Variants in RNGTT observed in about 807,000 individuals in gnomAD.
RNGTT encodes RNA guanylyltransferase and 5'-phosphatase.
A neutral mutation model predicts 79.3 loss-of-function variants in RNGTT; 33 were observed. The observed-to-expected ratio is 0.42, with a 90% CI of 0.32 to 0.56. The LOEUF (loss-of-function observed/expected upper bound fraction) is 0.56. Ranked by LOEUF, RNGTT falls within the 20% of genes least tolerant of loss-of-function variation. The pLI, the probability that RNGTT is intolerant of heterozygous loss-of-function variation, is 0.17. For missense variants in RNGTT, 497 were observed against 739.1 expected, an observed-to-expected ratio of 0.67 and a Z score of 3.80; for synonymous variants, 222 against 235.9, an observed-to-expected ratio of 0.94 and a Z score of 0.54.
At chr6:88,637,015 T>C (rs551504697) in intron 14 of RNGTT, among the ~76,000 whole-genome samples, 5 of 152,224 alleles carry the variant, frequency 3.3e-5, no homozygotes, top group Middle Eastern at 3.4e-3. Flanking sequence ...TATTCAATTT[T>C]TAAGCAATGT....
chr6:88,733,594 A>G (rs1003427988), intron 13 of RNGTT, among the ~76,000 whole-genome samples: 2 of 152,036 alleles, frequency 1.3e-5, no homozygotes, highest in Non-Finnish European at 2.9e-5. Context: ...AAGCTAAAAA[A>G]GAAAAAAAAC....
At chr6:88,926,266 A>G (rs1784315131) in intron 4 of RNGTT, among the ~76,000 whole-genome samples, 1 of 152,212 alleles carries the variant, frequency 6.6e-6, no homozygotes, top group Admixed American at 6.5e-5. Flanking sequence ...TAGTGCTATC[A>G]GTTCCATTGC....
chr6:88,724,475 T>G (rs889775850), intron 13 of RNGTT, among the ~76,000 whole-genome samples: 1 of 152,202 alleles, frequency 6.6e-6, no homozygotes, highest in African/African-American at 2.4e-5. Flanking sequence ...CCTAGGTGTG[T>G]GGTAGGTTAT....
chr6:88,622,847 T>C (rs1772488335), intron 14 of RNGTT, among the ~76,000 whole-genome samples: 1 of 152,088 alleles, frequency 6.6e-6, no homozygotes, highest in African/African-American at 2.4e-5. Flanking sequence ...TGTGGACTGG[T>C]GACATAATGG....
At chr6:88,622,345 T>A (rs1772468896) in intron 14 of RNGTT, among the ~76,000 whole-genome samples, 4 of 152,120 alleles carry the variant, frequency 2.6e-5, no homozygotes, top group Admixed American at 6.6e-5. Flanking sequence ...TACACAAAAT[T>A]TACAGTCAAA....
chr6:88,817,411 G>C (rs1441488025), intron 11 of RNGTT, among the ~76,000 whole-genome samples: 1 of 150,140 alleles, frequency 6.7e-6, no homozygotes, highest in Non-Finnish European at 1.5e-5. Flanking sequence ...GGAGGCCATG[G>C]TGTGAGGACC....
chr6:88,901,883 C>T (rs1470729344), intron 6 of RNGTT, among the ~76,000 whole-genome samples: 1 of 152,068 alleles, frequency 6.6e-6, no homozygotes, highest in Non-Finnish European at 1.5e-5. Context: ...AAAGAATGTG[C>T]AACAGCATAC....
intron 4 of RNGTT, among the ~76,000 whole-genome samples, chr6:88,914,173 T>C (rs1406225291): frequency 6.6e-6 from 1 of 152,018 alleles, no homozygotes; most frequent in Non-Finnish European, 1.5e-5. Flanking sequence ...TGCTCATGGA[T>C]TGAAAGAATC....
intron 12 of RNGTT, among the ~76,000 whole-genome samples, chr6:88,780,575 C>T (rs2127848793): frequency 6.6e-6 from 1 of 152,032 alleles, no homozygotes; most frequent in South Asian, 2.1e-4. Flanking sequence ...CTATAGTTAA[C>T]TGATAAATAC....
chr6:88,777,927 G>T (rs1016553765), intron 12 of RNGTT, among the ~76,000 whole-genome samples: 1 of 152,084 alleles, frequency 6.6e-6, no homozygotes, highest in African/African-American at 2.4e-5. Flanking sequence ...GCTAGCTGTG[G>T]CCTTTTCATA....
intron 8 of RNGTT, among the ~76,000 whole-genome samples, chr6:88,862,801 C>G (rs142202460): frequency 2.3e-3 from 355 of 152,248 alleles, no homozygotes; most frequent in African/African-American, 8.1e-3. Flanking sequence ...CATTTTTTGA[C>G]TTTTTACTGC....
At chr6:88,925,726 C>G (rs917402190) in intron 4 of RNGTT, among the ~76,000 whole-genome samples, 1 of 152,008 alleles carries the variant, frequency 6.6e-6, no homozygotes, top group South Asian at 2.1e-4. Flanking sequence ...AATCTAGATT[C>G]CTGGCAAAAG....
chr6:88,878,092 A>ATTTG (rs1376853516), intron 8 of RNGTT, among the ~76,000 whole-genome samples: 2 of 151,544 alleles, frequency 1.3e-5, no homozygotes, highest in South Asian at 2.1e-4. Context: ...TTATTTATTT[A>ATTTG]TTTATTTATT....
At chr6:88,740,717 C>T (rs1271216546) in intron 13 of RNGTT, among the ~76,000 whole-genome samples, 2 of 151,904 alleles carry the variant, frequency 1.3e-5, no homozygotes, top group Non-Finnish European at 2.9e-5. Flanking sequence ...ACAATGAGAA[C>T]ACATGGACAC....
chr6:88,690,293 T>C (rs1463083640), intron 13 of RNGTT, among the ~76,000 whole-genome samples: 6 of 152,124 alleles, frequency 3.9e-5, no homozygotes, highest in Non-Finnish European at 8.8e-5. Context: ...CAGATTTTAA[T>C]AAATGTCCTA....
At chr6:88,951,102 G>T (rs147597335) in intron 1 of RNGTT, among the ~76,000 whole-genome samples, 83 of 152,114 alleles carry the variant, frequency 5.5e-4, no homozygotes, top group African/African-American at 2.0e-3. Flanking sequence ...CAGGTGATCC[G>T]CCTGCCTCGG....
chr6:88,908,946 C>A (rs1783746540), intron 4 of RNGTT, among the ~76,000 whole-genome samples: 1 of 151,864 alleles, frequency 6.6e-6, no homozygotes, highest in Non-Finnish European at 1.5e-5. Flanking sequence ...TCCTAAGGGG[C>A]CAGAGGACAA....
chr6:88,877,866 T>C (rs1486568886), intron 8 of RNGTT, among the ~76,000 whole-genome samples: 1 of 152,136 alleles, frequency 6.6e-6, no homozygotes, highest in African/African-American at 2.4e-5. Context: ...GCAAGGAAAC[T>C]GGCCTGGATC....
intron 4 of RNGTT, among the ~76,000 whole-genome samples, chr6:88,924,109 G>A (rs971095846): frequency 1.3e-5 from 2 of 152,208 alleles, no homozygotes; most frequent in Non-Finnish European, 2.9e-5. Flanking sequence ...GCATGAGGAG[G>A]TGACAAGAAC....
Sources: gnomAD v4.1 joint callset for allele counts (sites outside exome capture counted in the v4.1 genomes callset) on GRCh38, gnomAD v4.1.1 for gene constraint, MANE v1.5 for transcripts, NCBI Gene and HGNC (gene_info 2026-07-23, HGNC 2026-07-21) for gene names.